HPS5: variants seen among roughly 807,000 people sequenced by gnomAD.
HPS5 encodes the protein HPS5 biogenesis of lysosomal organelles complex 2 subunit 2, also known as BLOC-2 complex member HPS5.
A neutral mutation model predicts 128.0 loss-of-function variants in HPS5; 83 were observed. The ratio of observed to expected loss-of-function variants is 0.65; its 90% confidence interval spans 0.54 to 0.78. The LOEUF is 0.78. HPS5 is among the 30% of genes least tolerant of loss of function. The pLI is 0.00. For missense variants in HPS5, 1,281 were observed against 1,326.2 expected (o/e 0.97, Z 0.53); for synonymous variants, 475 against 470.2 (o/e 1.01, Z -0.13).
intron 18 of HPS5, 36 bp from the exon 19 acceptor site, chr11:18,286,746 CATGCTAAGA>C (rs1564931442): frequency 1.2e-6 from 2 of 1,612,216 alleles, no homozygotes; most frequent in Admixed American, 3.3e-5. Flanking sequence ...CACCAATCTT[CATGCTAAGA>C]AAGGAAGCAT....
chr11:18,316,504 G>GA (rs1863647603), intron 2 of HPS5, among the ~76,000 whole-genome samples: 2 of 152,036 alleles, frequency 1.3e-5, no homozygotes, highest in African/African-American at 4.8e-5. Flanking sequence ...CACTAACGGG[G>GA]AAAAATGAAG....
At chr11:18,321,248 A>G (rs932838284) in intron 1 of HPS5, among the ~76,000 whole-genome samples, 3 of 152,102 alleles carry the variant, frequency 2.0e-5, no homozygotes, top group Non-Finnish European at 2.9e-5. Context: ...CTTATTTCCC[A>G]TCTTAACCTC....
At chr11:18,284,325 G>C (rs1011448661) in intron 20 of HPS5, among the ~76,000 whole-genome samples, 3 of 152,136 alleles carry the variant, frequency 2.0e-5, no homozygotes, top group Non-Finnish European at 4.4e-5. Flanking sequence ...AGTCTTCCTT[G>C]ACTCTTCCCC....
At chr11:18,297,310 G>A (rs1027120403) in intron 11 of HPS5, among the ~76,000 whole-genome samples, 18 of 152,180 alleles carry the variant, frequency 1.2e-4, no homozygotes, top group Admixed American at 1.0e-3. Context: ...CGTAACTTAT[G>A]CTGGGAGCTA....
At position 18,296,854 on chromosome 11, in the gene HPS5, G is replaced by A. The variant is rs201548310; in HGVS notation, c.1454C>T (p.Thr485Ile). 6.8e-6 allele frequency: 11 copies of A among 1,614,100 alleles called. No homozygotes were observed. The highest frequency in any genetic ancestry group is 3.3e-4 in the Middle Eastern group (2 of 6,062). The change falls in exon 12 of 23, where the codon ACC becomes ATC. Residue 485 changes from threonine (T) to isoleucine (I), a missense_variant. Thr to Ile is a moderately conservative substitution (Grantham distance 89). Coordinates refer to ENST00000349215, the MANE Select transcript of HPS5 (RefSeq NM_181507.2). ...TGGCAGGTCCTCTTCCTGCTGTGAG[G>A]TGAATTCTTTAAATCTCTCATCTTC... ...LSEDERFKEF[T>I]SQQEEDLPDQ... is the part of the protein sequence containing the mutation.
intron 15 of HPS5, 77 bp from the exon 16 acceptor site, chr11:18,292,096 A>T: frequency 8.9e-7 from 1 of 1,122,112 alleles, no homozygotes; most frequent in East Asian, 2.4e-5. Context: ...CTAATAAATT[A>T]ACCTAACCAA....
chr11:18,293,024 G>T (rs1860617692), intron 14 of HPS5, 48 bp from the exon 15 acceptor site: 2 of 1,410,874 alleles, frequency 1.4e-6, no homozygotes, highest in Non-Finnish European at 1.9e-6. Flanking sequence ...AGTTAGAGGG[G>T]ATCAGAGCTT....
At chr11:18,288,119 G>T (rs973276457) in intron 16 of HPS5, 106 bp from the exon 17 acceptor site, 1 of 1,202,236 alleles carries the variant, frequency 8.3e-7, no homozygotes. Context: ...CTACTGTGTG[G>T]ACCTATTATG....
chr11:18,281,305 G>A (rs563011276), intron 22 of HPS5, among the ~76,000 whole-genome samples: 1 of 150,148 alleles, frequency 6.7e-6, no homozygotes, highest in African/African-American at 2.5e-5. Flanking sequence ...TATTGGTTAG[G>A]CTGGTCTCGA....
intron 2 of HPS5, chr11:18,314,489 A>C (rs1863382341): frequency 6.6e-6 from 1 of 152,262 alleles, no homozygotes; most frequent in Non-Finnish European, 1.5e-5. Flanking sequence ...AGATGGTGCC[A>C]CTGTACTCCA....
chr11:18,317,402 C>T (rs1403323990), intron 2 of HPS5, among the ~76,000 whole-genome samples: 3 of 151,788 alleles, frequency 2.0e-5, no homozygotes, highest in African/African-American at 4.8e-5. Flanking sequence ...ATTACAGGCG[C>T]GTGCCACCTT....
chr11:18,309,145 C>CT, intron 5 of HPS5, 66 bp from the exon 6 acceptor site: 1 of 1,448,106 alleles, frequency 6.9e-7, no homozygotes, highest in East Asian at 2.3e-5. Flanking sequence ...ATCTCTTCCT[C>CT]TTTACCTTGT....
intron 15 of HPS5, 58 bp from the exon 16 acceptor site, chr11:18,292,077 TAATTCATGCTAA>T: frequency 7.7e-7 from 1 of 1,295,918 alleles, no homozygotes; most frequent in African/African-American, 1.5e-5. Context: ...TAAAACAAAT[TAATTCATGCTAA>T]TAAATTAACC....
In HPS5 at chr11:18,305,441, G is replaced by C; in HGVS notation, c.877C>G (p.Pro293Ala). The part of the protein sequence containing the change: ...TAGSSQSLSF[P>A]KLLHLSEHCV... ...ACTTACCTAAGATGTAAGAGTTTGG[G>C]GAAAGACAAAGACTGGGAGGATCCA... is the stretch of plus-strand genomic sequence containing the variant. The change falls in exon 8 of 23, where the codon CCC (proline) becomes GCC (alanine). Residue 293 changes from proline (P) to alanine (A), a missense_variant. Physicochemically the swap from Pro to Ala is conservative, Grantham distance 27. Transcript: ENST00000349215. 6.2e-7 allele frequency: 1 copy of C among 1,608,992 alleles called. No individual in the cohort carries two copies. Among genetic ancestry groups the C allele is most frequent in the Non-Finnish European group, 8.5e-7 (1 of 1,175,618 alleles).
At chr11:18,317,955 T>C (rs959925122) in intron 1 of HPS5, 48 bp from the exon 2 acceptor site, 1 of 1,341,548 alleles carries the variant, frequency 7.5e-7, no homozygotes, top group Non-Finnish European at 1.0e-6. Flanking sequence ...ACCATTCATT[T>C]AACATGCATT....
rs750948186 is a variant in HPS5, at chr11:18,296,126, A to C, written c.1511-4T>G. 4 of 1,613,040 alleles carry C rather than the reference A, an allele frequency of 2.5e-6. No homozygotes were observed. The highest frequency in any genetic ancestry group is 1.7e-6 in the Non-Finnish European group (2 of 1,179,156). On this transcript the variant is annotated splice_region_variant and splice_polypyrimidine_tract_variant and intron_variant, in intron 12 of 22. Coordinates refer to ENST00000349215, the MANE Select transcript of HPS5 (RefSeq NM_181507.2). Reference sequence around the variant, plus strand: ...ACTGGAGCATGAGAAACATTGTCTAATGAATGGAATCAGGAAAAAAAGAAA... The same window carrying C: ...ACTGGAGCATGAGAAACATTGTCTACTGAATGGAATCAGGAAAAAAAGAAA...
chr11:18,319,017 T>C (rs1431421583), intron 1 of HPS5, among the ~76,000 whole-genome samples: 4 of 151,748 alleles, frequency 2.6e-5, no homozygotes, highest in African/African-American at 9.7e-5. Context: ...CTAATACACC[T>C]TGACCTCTGC....
intron 4 of HPS5, among the ~76,000 whole-genome samples, 174 bp downstream of exon 4, chr11:18,311,213 C>G (rs1180027328): frequency 6.6e-6 from 1 of 152,010 alleles, no homozygotes; most frequent in Non-Finnish European, 1.5e-5. Flanking sequence ...CTAGGATGAC[C>G]AGCTGTCCAT....
At chr11:18,286,561 A>G (rs1477024740) in intron 19 of HPS5, 30 bp downstream of exon 19, 10 of 1,611,554 alleles carry the variant, frequency 6.2e-6, no homozygotes, top group Non-Finnish European at 7.6e-6. Flanking sequence ...AAGTAAAGAA[A>G]AAAACAAAGA....
Sources: allele counts gnomAD v4.1 joint callset (sites outside exome capture counted in the v4.1 genomes callset), GRCh38; gene constraint gnomAD v4.1.1; transcripts MANE v1.5; gene names NCBI Gene and HGNC (gene_info 2026-07-23, HGNC 2026-07-21).